TRIM14: variants seen among roughly 807,000 people sequenced by gnomAD.
TRIM14 encodes tripartite motif-containing protein 14.
In TRIM14, 28 loss-of-function variants were observed where a neutral mutation model predicts 44.5. That is an observed-to-expected ratio of 0.63 (90% CI 0.47 to 0.86). The LOEUF (loss-of-function observed/expected upper bound fraction) is 0.86. Among genes scored for constraint, TRIM14 ranks in the 40% least tolerant of loss-of-function variants. TRIM14 has a pLI of 0.00. For synonymous variants in TRIM14, 299 were observed against 269.2 expected (o/e 1.11, Z -1.08); for missense variants, 607 against 611.1 (o/e 0.99, Z 0.07).
At chr9:98,103,867 G>A (rs1283874434) in intron 2 of TRIM14, among the ~76,000 whole-genome samples, 1 of 140,092 alleles carries the variant, frequency 7.1e-6, no homozygotes, top group Non-Finnish European at 1.5e-5. Context: ...TTAAACATAG[G>A]CCAGCTCCCT....
intron 2 of TRIM14, among the ~76,000 whole-genome samples, chr9:98,106,140 C>T (rs1826601736): frequency 6.6e-6 from 1 of 152,148 alleles, no homozygotes; most frequent in Admixed American, 6.5e-5. Flanking sequence ...TAAATAGCTA[C>T]TGGAGACAAG....
At chr9:98,058,040 A>T in the TRIM14 span, among the ~76,000 whole-genome samples, 4 of 144,446 alleles carry the variant, frequency 2.8e-5, no homozygotes, top group Non-Finnish European at 6.0e-5. Flanking sequence ...CTCCCACCTC[A>T]GCCTCCCGAG....
At chr9:98,101,823 T>C (rs1826403681) in intron 2 of TRIM14, among the ~76,000 whole-genome samples, 2 of 151,962 alleles carry the variant, frequency 1.3e-5, no homozygotes, top group African/African-American at 4.8e-5. Context: ...TGTACCAAGA[T>C]TCTCAGTATA....
intron 3 of TRIM14, among the ~76,000 whole-genome samples, chr9:98,096,756 T>G (rs1254124548): frequency 2.0e-5 from 3 of 152,156 alleles, no homozygotes; most frequent in African/African-American, 7.2e-5. Context: ...CAGGCCACCA[T>G]CATCTCTCTC....
chr9:98,103,719 T>C (rs1826488742), intron 2 of TRIM14, among the ~76,000 whole-genome samples: 2 of 150,880 alleles, frequency 1.3e-5, no homozygotes, highest in Admixed American at 1.3e-4. Context: ...GCACCTGTAG[T>C]CCTGGCTACT....
At chr9:98,044,396 A>T in the TRIM14 span, among the ~76,000 whole-genome samples, 1 of 135,658 alleles carries the variant, frequency 7.4e-6, no homozygotes. Context: ...TTTTTTTGAG[A>T]AAGAGTCTTG....
In TRIM14 at chr9:98,087,701, G is replaced by A; in HGVS notation, c.1098C>T (p.Arg366=). 1 of 1,598,874 alleles carries A rather than the reference G, an allele frequency of 6.3e-7. No homozygotes were observed. Among genetic ancestry groups the A allele is most frequent in the African/African-American group, 1.3e-5 (1 of 74,962 alleles). The change falls in exon 6 of 6, where the codon CGC becomes CGT. Residue 366 remains arginine (R), a synonymous_variant. Coordinates refer to ENST00000341469, the MANE Select transcript of TRIM14 (RefSeq NM_014788.4). ...GCNRQSWCLK[R]YDLEYWAFHD... ...GGAAGGCCCAGTACTCAAGGTCGTA[G>A]CGCTTGAGGCACCAGGACTGGCGGT...
chr9:98,078,491 C>T (rs935284934), intron 6 of TRIM14: 13 of 1,154,206 alleles, frequency 1.1e-5, no homozygotes, highest in Admixed American at 8.0e-5. Flanking sequence ...AAATCAAATT[C>T]GAGCTAAGCA....
the TRIM14 span, among the ~76,000 whole-genome samples, chr9:98,051,963 G>A: frequency 6.6e-6 from 1 of 152,110 alleles, no homozygotes; most frequent in South Asian, 2.1e-4. Context: ...TTTGATCCAA[G>A]CGTGCAAAGA....
chr9:98,118,147 G>C (rs1195617900), intron 1 of TRIM14, among the ~76,000 whole-genome samples: 1 of 152,146 alleles, frequency 6.6e-6, no homozygotes, highest in Non-Finnish European at 1.5e-5. Context: ...ACAGCTGTCA[G>C]ACATGAGGGC....
the TRIM14 span, among the ~76,000 whole-genome samples, chr9:98,042,241 C>G: frequency 5.0e-5 from 7 of 140,668 alleles, no homozygotes; most frequent in African/African-American, 2.0e-4. Context: ...TGCAGTGAGC[C>G]AAGATGGTGT....
intron 6 of TRIM14, among the ~76,000 whole-genome samples, chr9:98,079,116 T>G (rs953093479): frequency 1.3e-5 from 2 of 152,178 alleles, no homozygotes; most frequent in Non-Finnish European, 2.9e-5. Context: ...ACTCAGTCAT[T>G]TCACAGATGG....
At chr9:98,092,451 C>G (rs1162284168) in intron 4 of TRIM14, 1 of 363,878 alleles carries the variant, frequency 2.7e-6, no homozygotes, top group African/African-American at 2.1e-5. Context: ...CCCCCCTTGC[C>G]CAGGTTGCCT....
chr9:98,066,547 T>C (rs980931176), downstream of TRIM14, among the ~76,000 whole-genome samples: 2 of 152,144 alleles, frequency 1.3e-5, no homozygotes, highest in Non-Finnish European at 2.9e-5. Flanking sequence ...CAACCATTAA[T>C]ACAATTACCG....
the TRIM14 span, among the ~76,000 whole-genome samples, chr9:98,038,306 C>A: frequency 6.6e-6 from 1 of 152,126 alleles, no homozygotes; most frequent in African/African-American, 2.4e-5. Flanking sequence ...CCCACCTAAG[C>A]CTCCCAAAGT....
downstream of TRIM14, chr9:98,083,208 CTG>C: frequency 1.4e-6 from 1 of 707,114 alleles, no homozygotes. Context: ...GGGCTAGGCC[CTG>C]TGTCAGCCCA....
the TRIM14 span, among the ~76,000 whole-genome samples, chr9:98,044,523 G>A: frequency 2.0e-3 from 302 of 151,810 alleles, 2 homozygotes; most frequent in African/African-American, 7.1e-3. Context: ...ACAGGCACGC[G>A]CCACCATGCC....
the TRIM14 span, among the ~76,000 whole-genome samples, chr9:98,036,401 T>C: frequency 2.7e-5 from 4 of 147,804 alleles, no homozygotes; most frequent in African/African-American, 1.0e-4. Context: ...CTTGGGAAGC[T>C]GAAGCAGGAG....
the TRIM14 span, among the ~76,000 whole-genome samples, chr9:98,047,827 G>A: frequency 6.6e-6 from 1 of 151,908 alleles, no homozygotes; most frequent in African/African-American, 2.4e-5. Flanking sequence ...GCACTTTGAG[G>A]GGGTCAAGGC....
Sources: gnomAD v4.1 joint callset for allele counts (sites outside exome capture counted in the v4.1 genomes callset) on GRCh38, gnomAD v4.1.1 for gene constraint, MANE v1.5 for transcripts, NCBI Gene and HGNC (gene_info 2026-07-23, HGNC 2026-07-21) for gene names.